The following OPRD1 variants were observed in gnomAD, a reference collection of about 807,000 sequenced individuals.
OPRD1 encodes the protein opioid receptor delta 1.
Under a neutral mutation model 17.5 loss-of-function variants are expected in OPRD1, and 19 were observed. The ratio of observed to expected loss-of-function variants is 1.09; its 90% CI spans 0.76 to 1.60. OPRD1 has a LOEUF of 1.60. OPRD1 is among the 40% of genes most tolerant of loss of function. OPRD1 has a pLI of 0.00. For synonymous variants in OPRD1, 256 were observed against 240.9 expected (o/e 1.06, Z -0.58); for missense variants, 483 against 547.2 (o/e 0.88, Z 1.17).
At chr1:28,855,537 G>T (rs953700797) in intron 1 of OPRD1, among the ~76,000 whole-genome samples, 1 of 152,092 alleles carries the variant, frequency 6.6e-6, no homozygotes, top group African/African-American at 2.4e-5. Context: ...AGGACGGGGC[G>T]TGGCTGTGGG....
In OPRD1 at chr1:28,846,846, T is replaced by TTTCTTTCTTTCTTTCTTTTC. The variant is rs769212543; in HGVS notation, c.228-12106_228-12105insCTTTCTTTCTTTCTTTTCTT. Among the ~76,000 whole-genome samples, 348 of 76,862 alleles carry TTTCTTTCTTTCTTTCTTTTC rather than the reference T, an allele frequency of 4.5e-3. 1 individual carries two copies. Among genetic ancestry groups the TTTCTTTCTTTCTTTCTTTTC allele is most frequent in the East Asian group, 0.042 (31 of 730 alleles). 50.4% of individuals were successfully genotyped at this position (76,862 alleles called of 152,430 possible). ...TTTTCTTTCTTTCTTTCTTTCTTTC[T>TTTCTTTCTTTCTTTCTTTTC]TTTCTTTCTTTCTTTCTTTCTTTCT... On this transcript the variant is annotated intron_variant, in intron 1 of 2. Transcript: ENST00000234961.
intron 1 of OPRD1, among the ~76,000 whole-genome samples, chr1:28,857,571 C>T (rs900610456): frequency 2.6e-5 from 4 of 152,096 alleles, no homozygotes; most frequent in Admixed American, 2.6e-4. Flanking sequence ...TGGGCTCAAG[C>T]GACCCTCCCA....
At chr1:28,834,588 C>T (rs1208306986) in intron 1 of OPRD1, among the ~76,000 whole-genome samples, 1 of 151,738 alleles carries the variant, frequency 6.6e-6, no homozygotes, top group African/African-American at 2.4e-5. Context: ...CTATGTTGCC[C>T]AGGCTGGTCT....
At chr1:28,842,489 G>A (rs761449533) in intron 1 of OPRD1, among the ~76,000 whole-genome samples, 6 of 152,212 alleles carry the variant, frequency 3.9e-5, no homozygotes, top group Non-Finnish European at 7.3e-5. Context: ...ATTGAATGTG[G>A]CCTGGCTGTG....
At chr1:28,814,422 A>C (rs928643312) in intron 1 of OPRD1, among the ~76,000 whole-genome samples, 1 of 152,228 alleles carries the variant, frequency 6.6e-6, no homozygotes, top group African/African-American at 2.4e-5. Context: ...GGGATTTTCT[A>C]GATCCTGTAG....
intron 1 of OPRD1, among the ~76,000 whole-genome samples, chr1:28,850,803 AT>A (rs1479596943): frequency 8.3e-6 from 1 of 120,516 alleles, no homozygotes; most frequent in Non-Finnish European, 1.7e-5. Flanking sequence ...AATAATAATA[AT>A]AATAATAATA....
chr1:28,812,341 G>A lies in OPRD1; in HGVS notation c.-43G>A. On this transcript the variant is annotated 5_prime_UTR_variant, in exon 1 of 3. Transcript: ENST00000234961. ...CCCTCGCGTCGGATCCCCGCGCCCA[G>A]GGCGCACGGTGGAGAGGGACGCGGC... 1 of 1,249,598 alleles carries A rather than the reference G, an allele frequency of 8.0e-7. No homozygotes were observed. The highest frequency in any genetic ancestry group is 1.0e-6 in the Non-Finnish European group (1 of 990,092). 77.4% of individuals were successfully genotyped at this position (1,249,598 alleles called of 1,614,324 possible).
rs142859008 is a variant in OPRD1 at position 28,832,967 on chromosome 1, G to A, written c.227+20357G>A. ...TAATAAACTTGTGGACATTATTTAC[G>A]TGGAATTGTGGGACTGAAACATTAA... On this transcript the variant is annotated intron_variant, in intron 1 of 2. Coordinates refer to ENST00000234961, the MANE Select transcript of OPRD1 (RefSeq NM_000911.4). Among the ~76,000 whole-genome samples the A allele has an allele frequency of 3.3e-4, 50 of 152,274 alleles. 1 individual carries two copies. In the East Asian group the frequency reaches 7.9e-3, roughly 24 times the overall value.
chr1:28,834,629 C>G (rs2088835056), intron 1 of OPRD1, among the ~76,000 whole-genome samples: 1 of 152,086 alleles, frequency 6.6e-6, no homozygotes, highest in Admixed American at 6.6e-5. Flanking sequence ...ATCCTCCCAC[C>G]TCGGACTCCC....
intron 1 of OPRD1, among the ~76,000 whole-genome samples, chr1:28,822,095 G>T (rs1015710382): frequency 1.3e-5 from 2 of 151,848 alleles, no homozygotes; most frequent in African/African-American, 4.8e-5. Flanking sequence ...GGGATTACGG[G>T]CATGCGCCAC....
At chr1:28,828,627 A>G (rs528367395) in intron 1 of OPRD1, among the ~76,000 whole-genome samples, 19 of 148,222 alleles carry the variant, frequency 1.3e-4, no homozygotes, top group African/African-American at 4.4e-4. Context: ...TCGAAGCTGC[A>G]CTGAGCTATG....
intron 1 of OPRD1, among the ~76,000 whole-genome samples, chr1:28,836,011 C>T (rs1001522547): frequency 2.0e-5 from 3 of 152,168 alleles, no homozygotes; most frequent in Admixed American, 6.5e-5. Context: ...AGTGAGCGCT[C>T]GTAAACGCTC....
At chr1:28,849,253 T>C (rs2088978639) in intron 1 of OPRD1, among the ~76,000 whole-genome samples, 1 of 151,978 alleles carries the variant, frequency 6.6e-6, no homozygotes, top group Admixed American at 6.6e-5. Context: ...TAATTTTTTT[T>C]TTAATGGGGA....
chr1:28,843,376 C>T (rs1020626287), intron 1 of OPRD1, among the ~76,000 whole-genome samples: 3 of 152,130 alleles, frequency 2.0e-5, no homozygotes, highest in Admixed American at 1.3e-4. Flanking sequence ...CACAACCGTT[C>T]GTCTCCAGAA....
intron 1 of OPRD1, among the ~76,000 whole-genome samples, chr1:28,816,792 T>C (rs1233647422): frequency 6.6e-6 from 1 of 151,962 alleles, no homozygotes; most frequent in Non-Finnish European, 1.5e-5. Flanking sequence ...GCAGAGTCAG[T>C]GTCCTCTGCA....
intron 1 of OPRD1, among the ~76,000 whole-genome samples, chr1:28,840,942 GAATA>G (rs1238891359): frequency 2.0e-5 from 3 of 152,078 alleles, no homozygotes; most frequent in Non-Finnish European, 2.9e-5. Flanking sequence ...AAATAAAAAT[GAATA>G]AATAAAGTAA....
chr1:28,833,965 G>A (rs952620138), intron 1 of OPRD1, among the ~76,000 whole-genome samples: 6 of 152,174 alleles, frequency 3.9e-5, no homozygotes, highest in African/African-American at 4.8e-5. Flanking sequence ...AGGCTGGAGC[G>A]CAGTGGTGTG....
intron 1 of OPRD1, among the ~76,000 whole-genome samples, chr1:28,816,854 G>A (rs2088674968): frequency 6.6e-6 from 1 of 152,104 alleles, no homozygotes; most frequent in Non-Finnish European, 1.5e-5. Flanking sequence ...TAGGTGTGGT[G>A]TGATGGGCTT....
At chr1:28,841,644 A>G (rs1005661512) in intron 1 of OPRD1, among the ~76,000 whole-genome samples, 3 of 152,126 alleles carry the variant, frequency 2.0e-5, no homozygotes, top group African/African-American at 7.2e-5. Context: ...ACCTTGCACA[A>G]AGGAAGGAAT....
Sources: allele counts gnomAD v4.1 joint callset (sites outside exome capture counted in the v4.1 genomes callset), GRCh38; gene constraint gnomAD v4.1.1; transcripts MANE v1.5; gene names NCBI Gene and HGNC (gene_info 2026-07-23, HGNC 2026-07-21).